NR3C2: variants seen among roughly 807,000 people sequenced by gnomAD.
The protein encoded by NR3C2 is mineralocorticoid receptor.
In NR3C2, 15 loss-of-function variants were observed where a neutral mutation model predicts 86.4. The observed-to-expected ratio is 0.17, with a 90% CI of 0.12 to 0.27. The LOEUF is 0.27. Among genes scored for constraint, NR3C2 ranks in the 10% least tolerant of loss-of-function variants. The probability of loss-of-function intolerance (pLI) is 1.00; values close to 1 mark genes in which losing one functional copy is unlikely to be tolerated. For missense variants in NR3C2, 960 were observed against 1,195.6 expected, an observed-to-expected ratio of 0.80 and a Z score of 2.91; for synonymous variants, 458 against 450.5, an observed-to-expected ratio of 1.02 and a Z score of -0.21.
In NR3C2 at chr4:148,194,956, G is replaced by T. The variant is rs72653857; in HGVS notation, c.1898-94C>A. 2,230 of 929,090 alleles carry T rather than the reference G, an allele frequency of 2.4e-3. 28 individuals are homozygous for T. In the African/African-American group the frequency reaches 0.03, roughly 13 times the overall value. The allele number at this position is 929,090 out of a possible 1,614,324, so 57.6% of individuals were successfully genotyped here. A position where few individuals can be genotyped will look rare whatever the true frequency, so the allele number is the denominator to read the frequency against. On this transcript the variant is annotated intron_variant, in intron 3 of 8. Transcript: ENST00000358102. ...CAGAATATAAAACTACTTCTTTCCTGCCTTGAAATCTCTTTCTCAAAAAAG... is the reference window on the plus strand; with the variant it reads ...CAGAATATAAAACTACTTCTTTCCTTCCTTGAAATCTCTTTCTCAAAAAAG...
At chr4:148,118,086 C>T (rs1004149869) in intron 7 of NR3C2, among the ~76,000 whole-genome samples, 2 of 152,174 alleles carry the variant, frequency 1.3e-5, no homozygotes, top group Admixed American at 6.5e-5. Flanking sequence ...TGGGAGCTTC[C>T]TCAAATTCTT....
chr4:148,140,621 A>G (rs1164724757), intron 6 of NR3C2, among the ~76,000 whole-genome samples: 1 of 152,230 alleles, frequency 6.6e-6, no homozygotes, highest in Admixed American at 6.5e-5. Context: ...AAGGCCCTTG[A>G]GCATGTTAAC....
chr4:148,425,563 T>G (rs956350933), intron 2 of NR3C2, among the ~76,000 whole-genome samples: 8 of 152,176 alleles, frequency 5.3e-5, no homozygotes, highest in African/African-American at 1.7e-4. Context: ...GGGGCTTGGT[T>G]TGTGGAAACC....
chr4:148,301,259 A>G (rs554675000), intron 2 of NR3C2, among the ~76,000 whole-genome samples: 2 of 152,350 alleles, frequency 1.3e-5, no homozygotes, highest in South Asian at 2.1e-4. Flanking sequence ...TTAAAGAAGG[A>G]TAAGTGCTTG....
intron 2 of NR3C2, among the ~76,000 whole-genome samples, chr4:148,266,074 G>T (rs1023372900): frequency 2.7e-5 from 3 of 110,440 alleles, no homozygotes; most frequent in Non-Finnish European, 5.6e-5. Flanking sequence ...CCAGAAGGCC[G>T]CTTTTTTTTT....
At chr4:148,239,704 T>G (rs1738921350) in intron 3 of NR3C2, among the ~76,000 whole-genome samples, 1 of 152,102 alleles carries the variant, frequency 6.6e-6, no homozygotes, top group African/African-American at 2.4e-5. Flanking sequence ...CGGTATGAGG[T>G]CCACAGTTTA....
chr4:148,129,188 G>A (rs1454779253), intron 6 of NR3C2, among the ~76,000 whole-genome samples: 2 of 152,192 alleles, frequency 1.3e-5, no homozygotes, highest in African/African-American at 2.4e-5. Flanking sequence ...ACATTATTGA[G>A]TCTTAAAAAA....
intron 2 of NR3C2, among the ~76,000 whole-genome samples, chr4:148,309,305 T>C (rs1483678635): frequency 2.6e-5 from 4 of 152,192 alleles, no homozygotes; most frequent in Non-Finnish European, 5.9e-5. Flanking sequence ...CTAAAGTTAT[T>C]TAATAAACAT....
intron 3 of NR3C2, among the ~76,000 whole-genome samples, chr4:148,239,632 G>A (rs1470704066): frequency 1.3e-5 from 2 of 152,308 alleles, no homozygotes; most frequent in East Asian, 3.9e-4. Context: ...AAGCCACCAG[G>A]CCACCAGAAG....
intron 2 of NR3C2, among the ~76,000 whole-genome samples, chr4:148,365,962 A>C (rs1158683319): frequency 6.6e-6 from 1 of 152,198 alleles, no homozygotes; most frequent in Non-Finnish European, 1.5e-5. Context: ...AAGTATTTCA[A>C]TGTATAACAA....
chr4:148,427,981 T>G (rs1749631863), intron 2 of NR3C2, among the ~76,000 whole-genome samples: 1 of 152,166 alleles, frequency 6.6e-6, no homozygotes, highest in South Asian at 2.1e-4. Flanking sequence ...CAAAGTCTGA[T>G]GAAGAATGGG....
chr4:148,100,137 T>C (rs1731470215), intron 8 of NR3C2, among the ~76,000 whole-genome samples: 1 of 152,206 alleles, frequency 6.6e-6, no homozygotes, highest in Admixed American at 6.5e-5. Flanking sequence ...AGAAAAATAC[T>C]TTTTTCCCTT....
At chr4:148,342,028 C>G (rs1459872440) in intron 2 of NR3C2, among the ~76,000 whole-genome samples, 2 of 152,164 alleles carry the variant, frequency 1.3e-5, no homozygotes, top group African/African-American at 4.8e-5. Flanking sequence ...CTGCTGCCCT[C>G]TTCTGACTTG....
chr4:148,188,892 A>G (rs1166557265), intron 4 of NR3C2, among the ~76,000 whole-genome samples: 1 of 145,326 alleles, frequency 6.9e-6, no homozygotes, highest in Non-Finnish European at 1.5e-5. Flanking sequence ...CTTTTATTAC[A>G]TTAAGGTATA....
At chr4:148,327,697 G>T (rs6842079) in intron 2 of NR3C2, among the ~76,000 whole-genome samples, 51,404 of 152,016 alleles carry the variant, frequency 0.34, 9,948 homozygotes, top group African/African-American at 0.53. Context: ...GTCACAGCAA[G>T]CAAATGCAAA....
At chr4:148,305,489 G>A (rs1259986780) in intron 2 of NR3C2, among the ~76,000 whole-genome samples, 1 of 148,856 alleles carries the variant, frequency 6.7e-6, no homozygotes, top group Non-Finnish European at 1.5e-5. Flanking sequence ...GCACTGTGTT[G>A]CAGAACTAAT....
chr4:148,390,348 A>AGG (rs1747480544), intron 2 of NR3C2, among the ~76,000 whole-genome samples: 1 of 152,154 alleles, frequency 6.6e-6, no homozygotes, highest in Non-Finnish European at 1.5e-5. Context: ...CCAAACAGAA[A>AGG]AGTATCTTGG....
At chr4:148,322,674 C>G (rs1485369109) in intron 2 of NR3C2, among the ~76,000 whole-genome samples, 1 of 111,944 alleles carries the variant, frequency 8.9e-6, no homozygotes, top group Non-Finnish European at 1.8e-5. Context: ...ATCGCATCAG[C>G]TCCTGAGGCT....
intron 7 of NR3C2, among the ~76,000 whole-genome samples, chr4:148,119,913 TAAAC>T (rs923941744): frequency 1.3e-5 from 2 of 152,206 alleles, no homozygotes; most frequent in Non-Finnish European, 2.9e-5. Context: ...AGATACTTTA[TAAAC>T]ACTGAGTGGT....
Sources: allele counts gnomAD v4.1 joint callset (sites outside exome capture counted in the v4.1 genomes callset), GRCh38; gene constraint gnomAD v4.1.1; transcripts MANE v1.5; gene names NCBI Gene and HGNC (gene_info 2026-07-23, HGNC 2026-07-21).